NUP153: variants seen among roughly 807,000 people sequenced by gnomAD.
NUP153 encodes the protein nucleoporin 153, also known as nuclear pore complex protein Nup153.
In NUP153, 27 loss-of-function variants were observed where a neutral mutation model predicts 134.6. The ratio of observed to expected loss-of-function variants is 0.20; its 90% CI spans 0.15 to 0.28. NUP153 has a LOEUF of 0.28. Ranked by LOEUF, NUP153 falls within the 10% of genes least tolerant of loss-of-function variation. The pLI is 1.00. For synonymous variants in NUP153, 640 were observed against 623.5 expected (o/e 1.03, Z -0.40); for missense variants, 1,821 against 1,731.3 (o/e 1.05, Z -0.92).
chr6:17,627,821 A>G (rs1765020688), intron 18 of NUP153, among the ~76,000 whole-genome samples: 1 of 152,222 alleles, frequency 6.6e-6, no homozygotes, highest in South Asian at 2.1e-4. Flanking sequence ...TCTCTCTGAA[A>G]GCATTTGGGG....
Position 17,624,674 on chromosome 6 carries a change from C to G in NUP153, c.4061G>C (p.Gly1354Ala), listed in dbSNP as rs1293360898. 6.2e-7 allele frequency: 1 copy of G among 1,614,114 alleles called. No individual in the cohort carries two copies. The highest frequency in any genetic ancestry group is 8.5e-7 in the Non-Finnish European group (1 of 1,180,022). ...AAAAGTAGGTGGTGCAGGCTGAGAA[C>G]CAGTGGGAAATAATGCTGTGGAAGA... ...ISSSTALFPT[G>A]SQPAPPTFGT... Residue 1354 changes from glycine (G) to alanine (A), a missense_variant, in exon 20 of 22, where the codon GGT (glycine) becomes GCT (alanine). Transcript: ENST00000262077.
chr6:17,634,429 G>A (rs1009249770), intron 16 of NUP153, among the ~76,000 whole-genome samples: 2 of 148,548 alleles, frequency 1.3e-5, no homozygotes, highest in Non-Finnish European at 3.0e-5. Flanking sequence ...TGTATCCAAA[G>A]GCCTTACATA....
At chr6:17,623,357 CAAAA>C (rs11326447) in intron 20 of NUP153, among the ~76,000 whole-genome samples, 14 of 81,952 alleles carry the variant, frequency 1.7e-4, no homozygotes, top group African/African-American at 4.3e-4. Flanking sequence ...GAAAAATGGC[CAAAA>C]AAAAAAAAAA....
Position 17,639,986 on chromosome 6 carries a change from G to A in NUP153, c.1799C>T (p.Ala600Val), listed in dbSNP as rs1561866778. The A allele has an allele frequency of 6.8e-6, 11 of 1,612,636 alleles. No homozygotes were observed. In the Admixed American group the frequency reaches 1.8e-4, roughly 27 times the overall value. Residue 600 changes from alanine (A) to valine (V), a missense_variant, in exon 15 of 22, where the codon GCA (alanine) becomes GTA (valine). Transcript: ENST00000262077. ...PEDCEGPFRP[A>V]EILKEGSVLD... ...AACACTTCCTTCTTTCAGGATTTCTGCAGGTCTAAAAGGACCCTCACAATC... is the reference window on the plus strand; with the variant it reads ...AACACTTCCTTCTTTCAGGATTTCTACAGGTCTAAAAGGACCCTCACAATC...
At chr6:17,616,505 T>A (rs1424189105) in intron 21 of NUP153, 22 bp downstream of exon 21, 1 of 1,586,794 alleles carries the variant, frequency 6.3e-7, no homozygotes, top group African/African-American at 1.4e-5. Context: ...AACTTCTCCA[T>A]TTCAATAAAA....
At position 17,675,614 on chromosome 6, in the gene NUP153, G is replaced by C. The variant is rs1160145302; in HGVS notation, c.491C>G (p.Ser164Cys). 6.2e-7 allele frequency: 1 copy of C among 1,614,076 alleles called. No homozygotes were observed. Among genetic ancestry groups the C allele is most frequent in the Admixed American group, 1.7e-5 (1 of 60,006 alleles). ...AGAATCTTTAATTTCCTTTACAAGGGAAAATCCCGAACTGCCAATTGGGAA... is the reference window on the plus strand; with the variant it reads ...AGAATCTTTAATTTCCTTTACAAGGCAAAATCCCGAACTGCCAATTGGGAA... ...SAFPIGSSGF[S>C]LVKEIKDSTS... Residue 164 changes from serine (S) to cysteine (C), a missense_variant, in exon 3 of 22, where the codon TCC (serine) becomes TGC (cysteine). Ser to Cys is a moderately radical substitution (Grantham distance 112). Transcript: ENST00000262077. This position sits in a 1 kb window ranked among gnomAD's most constrained non-coding sequence, Gnocchi z 4.4.
chr6:17,700,475 C>T (rs1229646451), intron 1 of NUP153, among the ~76,000 whole-genome samples: 1 of 152,182 alleles, frequency 6.6e-6, no homozygotes, highest in Non-Finnish European at 1.5e-5. Context: ...TCAATGTTTC[C>T]ATTTCTATTC....
rs1764266655 is a variant in NUP153, at chr6:17,615,499, A to T, written c.*598T>A. On this transcript the variant is annotated 3_prime_UTR_variant, in exon 22 of 22. Coordinates refer to ENST00000262077, the MANE Select transcript of NUP153 (RefSeq NM_005124.4). The surrounding 1 kb of genome is among the most constrained non-coding windows in gnomAD (Gnocchi z 5.7). ...GTGATAGGAGAATGAAAATATAGAA[A>T]TAGCATATAATTATTAAATGGAGAG... 2.0e-5 allele frequency: 3 copies of T among 152,656 alleles called. No individual in the cohort carries two copies. The highest frequency in any genetic ancestry group is 2.0e-4 in the Admixed American group (3 of 15,288). 9.5% of individuals were successfully genotyped at this position (152,656 alleles called of 1,614,324 possible). A position where few individuals can be genotyped will look rare whatever the true frequency, so the allele number is the denominator to read the frequency against.
At chr6:17,649,412 C>T in intron 11 of NUP153, 112 bp from the exon 12 acceptor site, 1 of 889,390 alleles carries the variant, frequency 1.1e-6, no homozygotes, top group South Asian at 2.4e-5. Context: ...GTAGTGTTAA[C>T]ATTATGGGTT....
chr6:17,641,254 G>A (rs1765820159), intron 14 of NUP153, among the ~76,000 whole-genome samples: 1 of 152,200 alleles, frequency 6.6e-6, no homozygotes, highest in South Asian at 2.1e-4. Flanking sequence ...AACAAGATGC[G>A]GCCAGGCACG....
chr6:17,664,429 G>A (rs540680299), intron 9 of NUP153, among the ~76,000 whole-genome samples: 1 of 152,074 alleles, frequency 6.6e-6, no homozygotes, highest in African/African-American at 2.4e-5. Flanking sequence ...GAGGGTTTGA[G>A]GTCTGGAAAA....
chr6:17,683,510 G>T lies in NUP153; in HGVS notation c.334+4886C>A, dbSNP rs145528681. Among the ~76,000 whole-genome samples the T allele has an allele frequency of 4.6e-3, 695 of 152,276 alleles. 7 individuals are homozygous for T. The highest frequency in any genetic ancestry group is 0.02 in the Middle Eastern group (6 of 294). ...TTAATGAGCAGTGTTGTTTTGCAAA[G>T]AATCTTTTTGTCCCCAAGCAAGAGG... On this transcript the variant is annotated intron_variant, in intron 2 of 21. Coordinates refer to ENST00000262077, the MANE Select transcript of NUP153 (RefSeq NM_005124.4).
At chr6:17,646,042 TA>T in intron 14 of NUP153, 24 bp downstream of exon 14, 1 of 1,110,040 alleles carries the variant, frequency 9.0e-7, no homozygotes, top group Non-Finnish European at 1.4e-6. Flanking sequence ...GTTTGTATGT[TA>T]AAATGTAAGA....
At position 17,637,387 on chromosome 6, in the gene NUP153, C is replaced by T; in HGVS notation, c.2230G>A (p.Ala744Thr). Residue 744 changes from alanine (A) to threonine (T), a missense_variant, in exon 16 of 22, where the codon GCC becomes ACC. By Grantham distance (58) the Ala-to-Thr change is moderately conservative. Transcript: ENST00000262077. ...GTTCCAGGTTTCGGTGTTTCACAGG[C>T]TACACATTTTATTGCTTCAGGTTTA... is the stretch of plus-strand genomic sequence containing the variant. ...QNKPEAIKCV[A>T]CETPKPGTCV... 6.2e-7 allele frequency: 1 copy of T among 1,614,218 alleles called. No homozygotes were observed. The highest frequency in any genetic ancestry group is 8.5e-7 in the Non-Finnish European group (1 of 1,180,046).
At chr6:17,657,602 C>A (rs1321495967) in intron 11 of NUP153, among the ~76,000 whole-genome samples, 1 of 151,972 alleles carries the variant, frequency 6.6e-6, no homozygotes, top group Admixed American at 6.6e-5. Flanking sequence ...GTATTGGCTT[C>A]TGTGCTCATC....
chr6:17,701,843 GGA>G (rs1770120068), intron 1 of NUP153, among the ~76,000 whole-genome samples: 2 of 87,318 alleles, frequency 2.3e-5, no homozygotes, highest in Non-Finnish European at 5.0e-5. Flanking sequence ...GGGGGGGGGG[GGA>G]AAAAAGCTAA....
Position 17,629,110 on chromosome 6 carries a change from TTAA to T in NUP153, c.3086_3088del (p.Ile1029del). Reference sequence around the variant, plus strand: ...GGTGTTAGCAGGAGCAGGGGTGGAGTTAATAACACCTGTACCAAAGCTAAAACC... The same window carrying T: ...GGTGTTAGCAGGAGCAGGGGTGGAGTTAACACCTGTACCAAAGCTAAAACC... On this transcript the variant is annotated inframe_deletion, in exon 18 of 22. Coordinates refer to ENST00000262077, the MANE Select transcript of NUP153 (RefSeq NM_005124.4). 6.2e-7 allele frequency: 1 copy of T among 1,613,968 alleles called. No individual in the cohort carries two copies. The highest frequency in any genetic ancestry group is 1.7e-5 in the Admixed American group (1 of 59,984).
intron 20 of NUP153, among the ~76,000 whole-genome samples, chr6:17,622,264 A>G (rs1764680527): frequency 6.6e-6 from 1 of 152,166 alleles, no homozygotes; most frequent in Non-Finnish European, 1.5e-5. Flanking sequence ...AGCCTGGATA[A>G]CATGGCAAAA....
chr6:17,623,899 T>C (rs1193691096), intron 20 of NUP153, among the ~76,000 whole-genome samples: 3 of 152,066 alleles, frequency 2.0e-5, no homozygotes, highest in Non-Finnish European at 4.4e-5. Context: ...GCGGTGGTCA[T>C]CATTAGAGTG....
Sources: allele counts gnomAD v4.1 joint callset (sites outside exome capture counted in the v4.1 genomes callset), GRCh38; gene constraint gnomAD v4.1.1; non-coding constraint Gnocchi (gnomAD v3.1); transcripts MANE v1.5; gene names NCBI Gene and HGNC (gene_info 2026-07-23, HGNC 2026-07-21).